The following ZFHX4 variants were observed in gnomAD, a reference collection of about 807,000 sequenced individuals.
ZFHX4 encodes the protein zinc finger homeobox 4, also known as zinc finger homeobox protein 4.
A neutral mutation model predicts 267.6 loss-of-function variants in ZFHX4; 56 were observed. That is an observed-to-expected ratio of 0.21 (90% CI 0.17 to 0.26). The LOEUF is 0.26. Ranked by LOEUF, ZFHX4 falls within the 10% of genes least tolerant of loss-of-function variation. The pLI is 1.00. For synonymous variants in ZFHX4, 1,778 were observed against 1,665.6 expected, an observed-to-expected ratio of 1.07 and a Z score of -1.64; for missense variants, 4,332 against 4,420.0, an observed-to-expected ratio of 0.98 and a Z score of 0.56.
chr8:76,776,830 A>G (rs1585932891), intron 3 of ZFHX4, among the ~76,000 whole-genome samples: 1 of 152,128 alleles, frequency 6.6e-6, no homozygotes, highest in African/African-American at 2.4e-5. Context: ...GCGTTAACCA[A>G]ATATAATATA....
chr8:76,782,283 C>A, intron 4 of ZFHX4: 1 of 389,654 alleles, frequency 2.6e-6, no homozygotes. Flanking sequence ...GAAATGTACA[C>A]TCTGTCTGGC....
intron 4 of ZFHX4, 52 bp downstream of exon 4, chr8:76,778,491 TCACACA>T: frequency 3.9e-6 from 5 of 1,291,116 alleles, no homozygotes; most frequent in Non-Finnish European, 5.6e-6. Context: ...CACCACTTCA[TCACACA>T]CACACACACA....
In ZFHX4 at chr8:76,864,401, G is replaced by A. The variant is rs1452116296; in HGVS notation, c.10687G>A (p.Gly3563Arg). ...TVTSSLCSTS[G>R]VQTSLPTESC... Reference sequence around the variant, plus strand: ...TACCTCAAGTTTGTGCAGCACCTCAGGGGTTCAAACCTCACTACCCACAGA... The same window carrying A: ...TACCTCAAGTTTGTGCAGCACCTCAAGGGTTCAAACCTCACTACCCACAGA... Residue 3563 changes from glycine to arginine, a missense_variant, in exon 11 of 11, where the codon GGG becomes AGG. This residue lies in a region of ZFHX4 where 1,648 missense variants were observed against 1,625.0 expected (regional missense o/e 1.01). Coordinates refer to ENST00000651372, the MANE Select transcript of ZFHX4 (RefSeq NM_024721.5). 1.9e-6 allele frequency: 3 copies of A among 1,613,776 alleles called. No individual in the cohort carries two copies. Among genetic ancestry groups the A allele is most frequent in the Non-Finnish European group, 2.5e-6 (3 of 1,179,854 alleles).
intron 3 of ZFHX4, among the ~76,000 whole-genome samples, chr8:76,737,596 T>C (rs1201453480): frequency 6.6e-6 from 1 of 152,200 alleles, no homozygotes; most frequent in Non-Finnish European, 1.5e-5. Context: ...CTCTCTAACC[T>C]TCCGTTTCTT....
intron 4 of ZFHX4, among the ~76,000 whole-genome samples, chr8:76,784,397 T>A (rs986885314): frequency 6.6e-6 from 1 of 151,970 alleles, no homozygotes; most frequent in African/African-American, 2.4e-5. Context: ...CCAACACTGG[T>A]CCCTAATGTA....
intron 3 of ZFHX4, among the ~76,000 whole-genome samples, chr8:76,735,366 T>A (rs1330639400): frequency 6.6e-6 from 1 of 152,118 alleles, no homozygotes; most frequent in East Asian, 1.9e-4. Flanking sequence ...CCCTTGCCTA[T>A]AAAGCATTTT....
intron 1 of ZFHX4, among the ~76,000 whole-genome samples, chr8:76,699,744 C>CAAAA (rs34108017): frequency 1.1e-5 from 1 of 89,712 alleles, no homozygotes; most frequent in African/African-American, 3.4e-5. Flanking sequence ...GCAACTGATG[C>CAAAA]AAAAAAAAAA....
intron 1 of ZFHX4, among the ~76,000 whole-genome samples, chr8:76,686,591 AGC>A (rs1807698493): frequency 6.6e-6 from 1 of 152,168 alleles, no homozygotes; most frequent in Non-Finnish European, 1.5e-5. Context: ...ATTTATGTAA[AGC>A]TCATTAGGTG....
At chr8:76,850,457 G>T (rs972634524) in intron 9 of ZFHX4, 95 bp downstream of exon 9, 1 of 1,031,694 alleles carries the variant, frequency 9.7e-7, no homozygotes, top group Non-Finnish European at 1.4e-6. Flanking sequence ...AAAGATTTTC[G>T]TAAAGCATAG....
chr8:76,706,911 T>C (rs1808291529), intron 2 of ZFHX4, among the ~76,000 whole-genome samples: 1 of 152,244 alleles, frequency 6.6e-6, no homozygotes, highest in Admixed American at 6.5e-5. Flanking sequence ...TTAGCAAACT[T>C]TGTCTTCATT....
intron 3 of ZFHX4, among the ~76,000 whole-genome samples, chr8:76,739,732 T>C (rs901187975): frequency 8.5e-5 from 13 of 152,172 alleles, no homozygotes; most frequent in African/African-American, 3.1e-4. Context: ...GTAAATGGAA[T>C]GGTCAGGAGA....
intron 3 of ZFHX4, among the ~76,000 whole-genome samples, chr8:76,777,920 T>C (rs972856877): frequency 2.0e-5 from 3 of 151,536 alleles, no homozygotes; most frequent in African/African-American, 7.3e-5. Flanking sequence ...GTTAACTGTA[T>C]AAGAAGACTC....
chr8:76,822,451 T>TG (rs771019907), intron 4 of ZFHX4, among the ~76,000 whole-genome samples: 3,424 of 141,210 alleles, frequency 0.024, 87 homozygotes, highest in East Asian at 0.14. Context: ...TGTGTCTACC[T>TG]CTTTTTTTTT....
In ZFHX4 at chr8:76,856,174, GA is replaced by G; in HGVS notation, c.9254del (p.Asp3085AlafsTer28). 1 of 1,613,968 alleles carries G rather than the reference GA, an allele frequency of 6.2e-7. No homozygotes were observed. Among genetic ancestry groups the G allele is most frequent in the Non-Finnish European group, 8.5e-7 (1 of 1,179,868 alleles). ...GACGGTACAGCAGCCAGGCATGATG[GA>G]CAGCAGTTCTCTCCACGGCATCAGC... is the stretch of plus-strand genomic sequence containing the variant. ...GLTVQQPGMM[D>X]SSSLHGISLP... is the part of the protein sequence containing the mutation. On this transcript the variant is annotated frameshift_variant, in exon 10 of 11. Coordinates refer to ENST00000651372, the MANE Select transcript of ZFHX4 (RefSeq NM_024721.5). LOFTEE classifies it high-confidence loss of function.
At chr8:76,809,722 A>G (rs1811328026) in intron 4 of ZFHX4, among the ~76,000 whole-genome samples, 1 of 152,090 alleles carries the variant, frequency 6.6e-6, no homozygotes, top group Admixed American at 6.6e-5. Flanking sequence ...TGAAATTTCC[A>G]TGTGTAAAAA....
chr8:76,859,828 C>T (rs767930194), intron 10 of ZFHX4, among the ~76,000 whole-genome samples: 1 of 152,010 alleles, frequency 6.6e-6, no homozygotes, highest in Non-Finnish European at 1.5e-5. Context: ...GTCAAAGAAA[C>T]TTGGAGAAAA....
In ZFHX4 at chr8:76,705,996, C is replaced by T; in HGVS notation, c.1908C>T (p.His636=). ...RSLGGHMTMM[H]SRNSCKTLKC... is the part of the protein sequence containing the mutation. ...TTGGTGGTCATATGACTATGATGCA[C>T]TCGAGGAACTCATGCAAAACCCTCA... The change falls in exon 2 of 11, where the codon CAC becomes CAT. Residue 636 remains histidine (H), a synonymous_variant. Transcript: ENST00000651372. The T allele has an allele frequency of 1.2e-6, 2 of 1,613,190 alleles. No homozygotes were observed. Among genetic ancestry groups the T allele is most frequent in the Non-Finnish European group, 1.7e-6 (2 of 1,179,620 alleles).
chr8:76,794,914 C>T (rs998496208), intron 4 of ZFHX4, among the ~76,000 whole-genome samples: 1 of 141,082 alleles, frequency 7.1e-6, no homozygotes, highest in East Asian at 2.1e-4. Flanking sequence ...TGTGTGTGGA[C>T]AAATCAAGCC....
At chr8:76,708,353 C>A in intron 3 of ZFHX4, 1 of 298,794 alleles carries the variant, frequency 3.3e-6, no homozygotes, top group Non-Finnish European at 6.0e-6. Flanking sequence ...CTTTTTAAAC[C>A]TATTGATTTT....
Sources: gnomAD v4.1 joint callset for allele counts (sites outside exome capture counted in the v4.1 genomes callset) on GRCh38, gnomAD v4.1.1 for gene constraint, gnomAD v4.1.1 regional missense constraint, MANE v1.5 for transcripts, NCBI Gene and HGNC (gene_info 2026-07-23, HGNC 2026-07-21) for gene names.